The following FCHSD2 variants were observed in gnomAD, a reference collection of about 807,000 sequenced individuals.
FCHSD2 encodes the protein F-BAR and double SH3 domains protein 2.
A neutral mutation model predicts 108.1 loss-of-function variants in FCHSD2; 38 were observed. That is an observed-to-expected ratio of 0.35 (90% confidence interval 0.27 to 0.46). The LOEUF is 0.46. Among genes scored for constraint, FCHSD2 ranks in the 20% least tolerant of loss-of-function variants. FCHSD2 has a pLI of 1.00. For synonymous variants in FCHSD2, 279 were observed against 314.7 expected (o/e 0.89, Z 1.20); for missense variants, 751 against 897.8 (o/e 0.84, Z 2.09).
At chr11:73,124,749 C>T (rs897666187) in intron 2 of FCHSD2, among the ~76,000 whole-genome samples, 2 of 150,076 alleles carry the variant, frequency 1.3e-5, no homozygotes, top group African/African-American at 4.9e-5. Context: ...GAGTGAGACT[C>T]TGTCTCAAAA....
At chr11:73,073,623 G>A (rs777704925) in intron 3 of FCHSD2, among the ~76,000 whole-genome samples, 1 of 152,000 alleles carries the variant, frequency 6.6e-6, no homozygotes, top group African/African-American at 2.4e-5. Context: ...CCTCACAAAC[G>A]CTCAATCTTT....
chr11:72,981,010 T>C (rs1052680972), intron 8 of FCHSD2, among the ~76,000 whole-genome samples: 2 of 152,102 alleles, frequency 1.3e-5, no homozygotes, highest in African/African-American at 4.8e-5. Context: ...GAAAAACAGA[T>C]ATTTTCAAGA....
At position 73,013,870 on chromosome 11, in the gene FCHSD2, C is replaced by T. The variant is rs528152151; in HGVS notation, c.242+1939G>A. ...TCAAGCAATCCTCCCATCTTAGCCT[C>T]CTAAAGCACTGGGATTGCAGGCATG... On this transcript the variant is annotated intron_variant, in intron 4 of 19. Transcript: ENST00000409418. Among the ~76,000 whole-genome samples the T allele has an allele frequency of 3.3e-5, 5 of 152,256 alleles. No homozygotes were observed. In the East Asian group the frequency reaches 9.6e-4, roughly 29 times the overall value.
chr11:73,095,540 A>T (rs950463274), intron 2 of FCHSD2, among the ~76,000 whole-genome samples: 1 of 152,226 alleles, frequency 6.6e-6, no homozygotes, highest in African/African-American at 2.4e-5. Flanking sequence ...GATCTCCAAT[A>T]AAACTAGGAA....
chr11:73,113,353 C>CTTTTTTTT lies in FCHSD2; in HGVS notation c.119+26670_119+26677dup, dbSNP rs35979371. On this transcript the variant is annotated intron_variant, in intron 2 of 19. Coordinates refer to ENST00000409418, the MANE Select transcript of FCHSD2 (RefSeq NM_014824.3). ...TGATCATCATGCTTCCCAAGATGGT[C>CTTTTTTTT]TTTTTTTTTTTTTTTTTTTTTTTTT... 1.7e-4 allele frequency among the ~76,000 whole-genome samples: 5 copies of CTTTTTTTT among 29,916 alleles called. 1 individual carries two copies. Among genetic ancestry groups the CTTTTTTTT allele is most frequent in the African/African-American group, 2.4e-4 (2 of 8,288 alleles). 19.6% of individuals were successfully genotyped at this position (29,916 alleles called of 152,430 possible). A position where few individuals can be genotyped will look rare whatever the true frequency, so the allele number is the denominator to read the frequency against.
At chr11:73,072,910 T>A (rs1859468579) in intron 3 of FCHSD2, among the ~76,000 whole-genome samples, 1 of 152,118 alleles carries the variant, frequency 6.6e-6, no homozygotes, top group Admixed American at 6.6e-5. Context: ...TAGCAAAAAA[T>A]TTTAGGTGCA....
chr11:72,951,138 C>A (rs1480390383), intron 8 of FCHSD2, among the ~76,000 whole-genome samples: 2 of 152,214 alleles, frequency 1.3e-5, no homozygotes. Context: ...CTACTCCAAA[C>A]CATTGCATTA....
At chr11:72,890,895 A>AT (rs950316673) in intron 10 of FCHSD2, among the ~76,000 whole-genome samples, 20 of 152,006 alleles carry the variant, frequency 1.3e-4, no homozygotes, top group African/African-American at 4.3e-4. Context: ...ATAATTAGGA[A>AT]TTTTTTTTAA....
At chr11:72,947,996 TTTTG>T (rs1856550455) in intron 8 of FCHSD2, among the ~76,000 whole-genome samples, 1 of 152,156 alleles carries the variant, frequency 6.6e-6, no homozygotes, top group South Asian at 2.1e-4. Flanking sequence ...ATCATACATT[TTTTG>T]TTTGTCTGTT....
At chr11:72,998,995 T>C (rs1857572445) in intron 5 of FCHSD2, among the ~76,000 whole-genome samples, 2 of 152,110 alleles carry the variant, frequency 1.3e-5, no homozygotes, top group South Asian at 2.1e-4. Flanking sequence ...GTGGAGAGAG[T>C]TGTTAGTGAG....
At chr11:72,991,025 G>C (rs1591463702) in intron 5 of FCHSD2, among the ~76,000 whole-genome samples, 1 of 151,950 alleles carries the variant, frequency 6.6e-6, no homozygotes, top group Non-Finnish European at 1.5e-5. Context: ...AATGATAAAG[G>C]GGATATCACC....
At chr11:72,894,245 A>C (rs1309609858) in intron 10 of FCHSD2, among the ~76,000 whole-genome samples, 1 of 152,200 alleles carries the variant, frequency 6.6e-6, no homozygotes, top group Non-Finnish European at 1.5e-5. Context: ...GTTTACTGAG[A>C]GACAAGAAAT....
At chr11:72,894,145 C>CA (rs1463477840) in intron 10 of FCHSD2, among the ~76,000 whole-genome samples, 1 of 152,062 alleles carries the variant, frequency 6.6e-6, no homozygotes. Context: ...CAAACCATTT[C>CA]AAAAAAAGAT....
intron 13 of FCHSD2, among the ~76,000 whole-genome samples, chr11:72,851,153 G>A (rs1037520187): frequency 1.4e-5 from 2 of 145,874 alleles, no homozygotes; most frequent in African/African-American, 5.0e-5. Context: ...AGGATGTGGA[G>A]AACAGGATTT....
intron 9 of FCHSD2, among the ~76,000 whole-genome samples, chr11:72,911,286 T>G (rs1267368680): frequency 6.6e-6 from 1 of 152,248 alleles, no homozygotes. Context: ...TTGTCAAAAA[T>G]GAGTTCACTG....
chr11:73,049,478 A>G (rs928584495), intron 3 of FCHSD2, among the ~76,000 whole-genome samples: 4 of 146,316 alleles, frequency 2.7e-5, no homozygotes, highest in Non-Finnish European at 4.5e-5. Context: ...GATGTAGACT[A>G]CTAGAAAGAG....
intron 3 of FCHSD2, among the ~76,000 whole-genome samples, chr11:73,060,477 A>G (rs1859134757): frequency 6.6e-6 from 1 of 152,220 alleles, no homozygotes; most frequent in African/African-American, 2.4e-5. Flanking sequence ...CTCACAGGCA[A>G]TGAAGGAACA....
chr11:73,106,314 G>A (rs1399178355), intron 2 of FCHSD2, among the ~76,000 whole-genome samples: 3 of 151,052 alleles, frequency 2.0e-5, no homozygotes, highest in Admixed American at 6.6e-5. Context: ...GCTAAGGCAG[G>A]AGGATTGCTT....
chr11:72,989,772 T>C (rs1274527782), intron 5 of FCHSD2, among the ~76,000 whole-genome samples: 1 of 152,200 alleles, frequency 6.6e-6, no homozygotes, highest in Non-Finnish European at 1.5e-5. Context: ...TTTCTGAGTA[T>C]CCAAAGGAGA....
Sources: allele counts gnomAD v4.1 joint callset (sites outside exome capture counted in the v4.1 genomes callset), GRCh38; gene constraint gnomAD v4.1.1; transcripts MANE v1.5; gene names NCBI Gene and HGNC (gene_info 2026-07-23, HGNC 2026-07-21).